The following ASIC2 variants were observed in gnomAD, a reference collection of about 807,000 sequenced individuals.
ASIC2 encodes acid-sensing ion channel 2.
Under a neutral mutation model 57.3 loss-of-function variants are expected in ASIC2, and 25 were observed. The observed-to-expected ratio is 0.44, with a 90% CI of 0.32 to 0.61. The LOEUF is 0.61. Among genes scored for constraint, ASIC2 ranks in the 20% least tolerant of loss-of-function variants. ASIC2 has a pLI of 0.06. For synonymous variants in ASIC2, 319 were observed against 307.5 expected (o/e 1.04, Z -0.39); for missense variants, 641 against 738.1 (o/e 0.87, Z 1.52).
At chr17:33,896,184 C>T (rs974264495) in intron 1 of ASIC2, among the ~76,000 whole-genome samples, 4 of 152,168 alleles carry the variant, frequency 2.6e-5, no homozygotes, top group Non-Finnish European at 4.4e-5. Context: ...TGGTAGAGGA[C>T]AAATGAATGC....
intron 1 of ASIC2, among the ~76,000 whole-genome samples, chr17:33,333,510 A>G (rs1164563234): frequency 6.6e-6 from 1 of 152,230 alleles, no homozygotes; most frequent in African/African-American, 2.4e-5. Flanking sequence ...GTATATAAAA[A>G]TATCTCAACT....
At chr17:34,137,459 T>C (rs896847260) in intron 1 of ASIC2, among the ~76,000 whole-genome samples, 8 of 152,340 alleles carry the variant, frequency 5.3e-5, no homozygotes, top group South Asian at 2.1e-4. Flanking sequence ...TTTGTTAGCA[T>C]GCCAGATAAT....
At chr17:33,630,485 C>T (rs1385922584) in intron 1 of ASIC2, among the ~76,000 whole-genome samples, 3 of 152,110 alleles carry the variant, frequency 2.0e-5, no homozygotes, top group Admixed American at 1.3e-4. Flanking sequence ...GTGTGTGCCC[C>T]GTGGAGATGT....
intron 1 of ASIC2, among the ~76,000 whole-genome samples, chr17:34,135,320 A>T (rs541108814): frequency 6.6e-6 from 1 of 152,350 alleles, no homozygotes; most frequent in South Asian, 2.1e-4. Flanking sequence ...ATAGAAGATG[A>T]GCTAGAGATA....
At chr17:33,100,548 C>A (rs1482537793) in intron 2 of ASIC2, among the ~76,000 whole-genome samples, 1 of 152,218 alleles carries the variant, frequency 6.6e-6, no homozygotes, top group African/African-American at 2.4e-5. Context: ...TCTATCACAG[C>A]ACTTGGTGAC....
At chr17:33,036,697 C>G (rs781214220) in intron 3 of ASIC2, among the ~76,000 whole-genome samples, 8 of 152,128 alleles carry the variant, frequency 5.3e-5, no homozygotes, top group African/African-American at 1.9e-4. Context: ...TGTGAGTCAT[C>G]ATGCCCAGCC....
chr17:33,796,151 T>G (rs1361494400), intron 1 of ASIC2, among the ~76,000 whole-genome samples: 2 of 152,160 alleles, frequency 1.3e-5, no homozygotes, highest in East Asian at 1.9e-4. Context: ...GAGGACAGAC[T>G]CCCCCACCTT....
chr17:33,160,428 C>T (rs1905131401), intron 1 of ASIC2, among the ~76,000 whole-genome samples: 1 of 152,178 alleles, frequency 6.6e-6, no homozygotes, highest in South Asian at 2.1e-4. Context: ...ATTCCCAACA[C>T]CACCTTCAGG....
chr17:33,405,818 C>A (rs1423495583), intron 1 of ASIC2, among the ~76,000 whole-genome samples: 2 of 152,126 alleles, frequency 1.3e-5, no homozygotes, highest in Non-Finnish European at 2.9e-5. Context: ...CTAACCAGTT[C>A]AGAGCCCATA....
At chr17:33,503,729 T>C (rs1914168333) in intron 1 of ASIC2, among the ~76,000 whole-genome samples, 1 of 152,222 alleles carries the variant, frequency 6.6e-6, no homozygotes. Flanking sequence ...ACTGCAGTTC[T>C]GATCCTAGCT....
rs73276688 is a variant in ASIC2 at position 33,985,385 on chromosome 17, T to G, written c.555+170593A>C. Among the ~76,000 whole-genome samples the G allele has an allele frequency of 3.8e-3, 584 of 152,312 alleles. 3 individuals carry two copies. The highest frequency in any genetic ancestry group is 0.013 in the African/African-American group (555 of 41,566). On this transcript the variant is annotated intron_variant, in intron 1 of 9. Coordinates refer to the ASIC2 transcript ENST00000359872. ...GTAACTTTAGCGTGCATAGAAACTT[T>G]AATGTGTCCTCGGAGTGTCCAGGGT...
chr17:34,135,188 G>A (rs890152069), intron 1 of ASIC2, among the ~76,000 whole-genome samples: 1 of 152,218 alleles, frequency 6.6e-6, no homozygotes. Context: ...GGCCAGCAAA[G>A]CCCAGCCAGC....
chr17:33,456,643 A>C (rs910405470), intron 1 of ASIC2, among the ~76,000 whole-genome samples: 5 of 152,202 alleles, frequency 3.3e-5, no homozygotes, highest in Admixed American at 2.6e-4. Context: ...CCAGGTGCTT[A>C]GCAGGTGATG....
At chr17:33,477,691 CA>C (rs747164480) in intron 1 of ASIC2, among the ~76,000 whole-genome samples, 1 of 152,200 alleles carries the variant, frequency 6.6e-6, no homozygotes, top group Non-Finnish European at 1.5e-5. Context: ...TGCCCTCAAG[CA>C]CCTCACTCTT....
At chr17:33,414,355 A>T in intron 1 of ASIC2, among the ~76,000 whole-genome samples, 1 of 152,152 alleles carries the variant, frequency 6.6e-6, no homozygotes, top group Non-Finnish European at 1.5e-5. Flanking sequence ...GGTGTGGTGG[A>T]ACGAGGAAGG....
intron 1 of ASIC2, among the ~76,000 whole-genome samples, chr17:33,564,211 G>A (rs533661306): frequency 2.8e-4 from 42 of 152,260 alleles, no homozygotes; most frequent in Non-Finnish European, 4.6e-4. Flanking sequence ...TTCCTCTCTC[G>A]TTTTAAAGCC....
At chr17:33,998,198 C>T (rs1019349074) in intron 1 of ASIC2, among the ~76,000 whole-genome samples, 21 of 152,176 alleles carry the variant, frequency 1.4e-4, no homozygotes, top group African/African-American at 5.1e-4. Flanking sequence ...ATAGTACTCC[C>T]TTATGATCCT....
At chr17:33,585,001 G>C in intron 1 of ASIC2, among the ~76,000 whole-genome samples, 1 of 152,180 alleles carries the variant, frequency 6.6e-6, no homozygotes, top group East Asian at 1.9e-4. Context: ...GTTTCAGTTG[G>C]AGAAGAGTTT....
intron 1 of ASIC2, among the ~76,000 whole-genome samples, chr17:33,681,527 G>A (rs1908000735): frequency 6.6e-6 from 1 of 152,150 alleles, no homozygotes; most frequent in Admixed American, 6.5e-5. Context: ...AAGAAACTCT[G>A]CAGGGCCCTT....
Sources: gnomAD v4.1 joint callset for allele counts (sites outside exome capture counted in the v4.1 genomes callset) on GRCh38, gnomAD v4.1.1 for gene constraint, MANE v1.5 for transcripts, NCBI Gene and HGNC (gene_info 2026-07-23, HGNC 2026-07-21) for gene names.